ACADSB: variants seen among roughly 807,000 people sequenced by gnomAD.
The protein encoded by ACADSB is acyl-CoA dehydrogenase short/branched chain.
Under a neutral mutation model 54.1 loss-of-function variants are expected in ACADSB, and 40 were observed. The ratio of observed to expected loss-of-function variants is 0.74; its 90% CI spans 0.57 to 0.96. The LOEUF is 0.96. Ranked by LOEUF, ACADSB falls within the 40% of genes least tolerant of loss-of-function variation. The pLI, the probability that ACADSB is intolerant of heterozygous loss-of-function variation, is 0.00. For synonymous variants in ACADSB, 182 were observed against 182.8 expected, an observed-to-expected ratio of 1.00 and a Z score of 0.03; for missense variants, 530 against 510.4, an observed-to-expected ratio of 1.04 and a Z score of -0.37.
intron 1 of ACADSB, among the ~76,000 whole-genome samples, chr10:123,031,143 T>C (rs1028311904): frequency 3.3e-5 from 5 of 152,242 alleles, no homozygotes; most frequent in Admixed American, 6.5e-5. Context: ...GTAATTTCTT[T>C]TGATGACAGA....
intron 1 of ACADSB, among the ~76,000 whole-genome samples, chr10:123,024,094 C>A (rs1327546046): frequency 1.3e-5 from 2 of 152,200 alleles, no homozygotes; most frequent in African/African-American, 4.8e-5. Context: ...ATGTAATCCC[C>A]AACTTTTAGC....
rs889275281 is a variant in ACADSB at position 123,058,244 on chromosome 10, C to G, written c.*4479C>G. On this transcript the variant is annotated 3_prime_UTR_variant, in exon 11 of 11. Transcript: ENST00000358776. The stretch of plus-strand genomic sequence containing the variant: ...TGGATTGTATTCGATGTTACAAAAC[C>G]AATATTCTATGGAGAATGAAAAAAA... 1.3e-5 allele frequency: 2 copies of G among 151,886 alleles called. No individual in the cohort carries two copies. The highest frequency in any genetic ancestry group is 2.9e-5 in the Non-Finnish European group (2 of 67,970). 9.4% of individuals were successfully genotyped at this position (151,886 alleles called of 1,614,324 possible).
intron 1 of ACADSB, among the ~76,000 whole-genome samples, chr10:123,014,837 C>T (rs762909732): frequency 6.6e-5 from 10 of 152,168 alleles, no homozygotes; most frequent in Non-Finnish European, 1.3e-4. Context: ...AGGAAATGTG[C>T]ACGCAAAGGT....
At chr10:123,033,465 A>G (rs1395687680) in intron 1 of ACADSB, among the ~76,000 whole-genome samples, 1 of 152,220 alleles carries the variant, frequency 6.6e-6, no homozygotes, top group East Asian at 1.9e-4. Context: ...GATTTGGGAC[A>G]CTACAACAGG....
chr10:123,043,643 C>T lies in ACADSB; in HGVS notation c.807+472C>T, dbSNP rs185362567. 1.1e-3 allele frequency among the ~76,000 whole-genome samples: 166 copies of T among 152,222 alleles called. 1 individual carries two copies. Among genetic ancestry groups the T allele is most frequent in the African/African-American group, 3.7e-3 (155 of 41,536 alleles). On this transcript the variant is annotated intron_variant, in intron 6 of 10. Coordinates refer to ENST00000358776, the MANE Select transcript of ACADSB (RefSeq NM_001609.4). ...TCCCTGTAGGTGGGGCAGGTGGTGT[C>T]GGCTTTTCCACCACTCATCACAGAG...
intron 8 of ACADSB, among the ~76,000 whole-genome samples, chr10:123,048,253 G>T (rs1850585794): frequency 6.6e-6 from 1 of 152,042 alleles, no homozygotes; most frequent in Non-Finnish European, 1.5e-5. Context: ...CATGTGTAGA[G>T]ATACGAGGCT....
At chr10:123,020,955 A>G (rs1365126264) in intron 1 of ACADSB, among the ~76,000 whole-genome samples, 4 of 152,156 alleles carry the variant, frequency 2.6e-5, no homozygotes, top group African/African-American at 9.7e-5. Flanking sequence ...GTGAGCCAAG[A>G]TCGTGCAACT....
At chr10:123,047,434 G>A (rs1025726039) in intron 8 of ACADSB, 136 bp downstream of exon 8, 10 of 676,220 alleles carry the variant, frequency 1.5e-5, no homozygotes, top group Admixed American at 2.3e-5. Flanking sequence ...GAAAGAATAG[G>A]TCTCAGGGAG....
At chr10:123,045,142 T>G (rs1850535571) in intron 7 of ACADSB, among the ~76,000 whole-genome samples, 1 of 11,540 alleles carries the variant, frequency 8.7e-5, no homozygotes, top group Admixed American at 1.1e-3. Context: ...TATATATATA[T>G]ATATATATAT....
rs1009393702 is a variant in ACADSB, at chr10:123,037,737, T to C, written c.203-10T>C. Reference sequence around the variant, plus strand: ...TAACATAGACTTATCAGTAATTCTTTTTCCTACAGTTAAAAAATTTGCTCA... The same window carrying C: ...TAACATAGACTTATCAGTAATTCTTCTTCCTACAGTTAAAAAATTTGCTCA... On this transcript the variant is annotated splice_polypyrimidine_tract_variant and intron_variant, in intron 2 of 10. Coordinates refer to ENST00000358776, the MANE Select transcript of ACADSB (RefSeq NM_001609.4). 1.9e-6 allele frequency: 3 copies of C among 1,578,542 alleles called. No homozygotes were observed. In the African/African-American group the frequency reaches 4.0e-5, roughly 21 times the overall value.
chr10:123,043,010 T>A (rs761273184), intron 5 of ACADSB, 36 bp from the exon 6 acceptor site: 1 of 1,609,454 alleles, frequency 6.2e-7, no homozygotes, highest in Non-Finnish European at 8.5e-7. Flanking sequence ...GTTTTATAAA[T>A]CCAAGTGGTA....
chr10:123,036,486 C>T (rs187826303), intron 2 of ACADSB, among the ~76,000 whole-genome samples: 2 of 152,312 alleles, frequency 1.3e-5, no homozygotes, highest in African/African-American at 4.8e-5. Context: ...GGTTAGTTTA[C>T]ATAAATCAAA....
At chr10:123,018,275 G>A (rs1850134532) in intron 1 of ACADSB, among the ~76,000 whole-genome samples, 2 of 152,104 alleles carry the variant, frequency 1.3e-5, no homozygotes, top group Non-Finnish European at 1.5e-5. Context: ...TGGTAATTTG[G>A]GAAAGAGAAA....
intron 1 of ACADSB, among the ~76,000 whole-genome samples, chr10:123,034,104 T>G (rs1397441384): frequency 6.6e-6 from 1 of 152,256 alleles, no homozygotes; most frequent in Non-Finnish European, 1.5e-5. Context: ...TTGAGAAAGT[T>G]CTGTCTCCTT....
chr10:123,017,986 A>G (rs925709246), intron 1 of ACADSB, among the ~76,000 whole-genome samples: 1 of 152,124 alleles, frequency 6.6e-6, no homozygotes, highest in Non-Finnish European at 1.5e-5. Context: ...ATGGATTGAA[A>G]TGCTTCTTAT....
chr10:123,024,504 G>C (rs970815946), intron 1 of ACADSB, among the ~76,000 whole-genome samples: 1 of 152,206 alleles, frequency 6.6e-6, no homozygotes, highest in African/African-American at 2.4e-5. Context: ...AAGAGAGAGA[G>C]ATTCCCCTGG....
chr10:123,032,536 C>T (rs934027275), intron 1 of ACADSB, among the ~76,000 whole-genome samples: 7 of 151,152 alleles, frequency 4.6e-5, no homozygotes, highest in East Asian at 2.0e-4. Context: ...AGCCAGTGAG[C>T]GGACTTGGCC....
intron 7 of ACADSB, among the ~76,000 whole-genome samples, chr10:123,045,131 GTATATATATA>G (rs759224009): frequency 0.024 from 641 of 26,734 alleles, 31 homozygotes; most frequent in Middle Eastern, 0.031. Flanking sequence ...TTTGTAGAGT[GTATATATATA>G]TATATATATA....
chr10:123,032,015 T>G (rs1850333888), intron 1 of ACADSB, among the ~76,000 whole-genome samples: 1 of 152,248 alleles, frequency 6.6e-6, no homozygotes, highest in East Asian at 1.9e-4. Flanking sequence ...AGTCTCACTT[T>G]GTCGCCCAGG....
Sources: gnomAD v4.1 joint callset for allele counts (sites outside exome capture counted in the v4.1 genomes callset) on GRCh38, gnomAD v4.1.1 for gene constraint, MANE v1.5 for transcripts, NCBI Gene and HGNC (gene_info 2026-07-23, HGNC 2026-07-21) for gene names.